The following ANKK1 variants were observed in gnomAD, a reference collection of about 807,000 sequenced individuals.
The protein encoded by ANKK1 is ankyrin repeat and protein kinase domain-containing protein 1.
In ANKK1, 37 loss-of-function variants were observed where a neutral mutation model predicts 37.6. The ratio of observed to expected loss-of-function variants is 0.98; its 90% CI spans 0.76 to 1.29. ANKK1 has a LOEUF of 1.29. Ranked by LOEUF, ANKK1 falls within the 50% of genes most tolerant of loss-of-function variation. ANKK1 has a pLI of 0.00. For synonymous variants in ANKK1, 415 were observed against 418.7 expected, an observed-to-expected ratio of 0.99 and a Z score of 0.11; for missense variants, 1,019 against 990.6, an observed-to-expected ratio of 1.03 and a Z score of -0.39.
intron 2 of ANKK1, among the ~76,000 whole-genome samples, chr11:113,394,098 G>A (rs1052087344): frequency 1.3e-5 from 2 of 152,114 alleles, no homozygotes; most frequent in African/African-American, 4.8e-5. Flanking sequence ...AAGAAAGGTT[G>A]TAATGGACAT....
At chr11:113,390,580 C>A (rs1950579481) in intron 1 of ANKK1, among the ~76,000 whole-genome samples, 1 of 152,086 alleles carries the variant, frequency 6.6e-6, no homozygotes, top group African/African-American at 2.4e-5. Flanking sequence ...ACTAAAAATA[C>A]ATAAATTAGC....
chr11:113,388,997 A>G (rs1163759838), intron 1 of ANKK1, among the ~76,000 whole-genome samples: 2 of 152,212 alleles, frequency 1.3e-5, no homozygotes, highest in East Asian at 1.9e-4. Flanking sequence ...TTACCATGCA[A>G]ACTCTTAAGA....
At chr11:113,388,746 C>A (rs2138118447) in intron 1 of ANKK1, among the ~76,000 whole-genome samples, 1 of 152,354 alleles carries the variant, frequency 6.6e-6, no homozygotes, top group African/African-American at 2.4e-5. Context: ...CTACCTCTTT[C>A]CTACGTTTCC....
intron 1 of ANKK1, among the ~76,000 whole-genome samples, 171 bp from the exon 2 acceptor site, chr11:113,393,310 G>A (rs1043753306): frequency 3.9e-5 from 6 of 152,030 alleles, no homozygotes; most frequent in Non-Finnish European, 5.9e-5. Context: ...AAATCTAAGC[G>A]GCCTGCTAAG....
chr11:113,397,924 A>G (rs970935278), intron 6 of ANKK1, 56 bp from the exon 7 acceptor site: 9 of 1,538,380 alleles, frequency 5.9e-6, no homozygotes, highest in Non-Finnish European at 7.9e-6. Context: ...GGAGGAGGGC[A>G]CAGGCTAGAA....
intron 5 of ANKK1, among the ~76,000 whole-genome samples, chr11:113,396,480 C>A (rs1279650550): frequency 1.3e-5 from 2 of 151,846 alleles, no homozygotes; most frequent in Non-Finnish European, 2.9e-5. Context: ...GCCAGAACAA[C>A]AAGCACACCA....
chr11:113,388,739 C>A (rs1042910539), intron 1 of ANKK1, among the ~76,000 whole-genome samples: 2 of 152,342 alleles, frequency 1.3e-5, no homozygotes, highest in African/African-American at 4.8e-5. Context: ...TCTCTTCCTA[C>A]CTCTTTCCTA....
At position 113,388,052 on chromosome 11, in the gene ANKK1, T is replaced by C. The variant is rs1950559455; in HGVS notation, c.168T>C (p.Leu56=). The C allele has an allele frequency of 2.6e-6, 4 of 1,514,978 alleles. No homozygotes were observed. In the South Asian group the frequency reaches 4.9e-5, roughly 18 times the overall value. 93.8% of individuals were successfully genotyped at this position (1,514,978 alleles called of 1,614,324 possible). Residue 56 remains leucine, a synonymous_variant, in exon 1 of 8, where the codon CTT becomes CTC. Transcript: ENST00000303941. ...TEYAIKCAPC[L]PPDAASSDVN... is the part of the protein sequence containing the mutation. The stretch of plus-strand genomic sequence containing the variant: ...ACGCCATCAAGTGCGCCCCCTGCCT[T>C]CCACCCGACGCCGCCAGGTACTGCC...
At chr11:113,394,634 G>T in intron 2 of ANKK1, 1 of 542,004 alleles carries the variant, frequency 1.8e-6, no homozygotes, top group Non-Finnish European at 3.5e-6. Context: ...CTAACTACAT[G>T]CCAGGCACTG....
At position 113,399,005 on chromosome 11, in the gene ANKK1, C is replaced by T. The variant is rs201257762; in HGVS notation, c.1036C>T (p.Arg346Cys). ...YLKRALQLSD[R>C]KNLVPRDEEL... ...GAAGCGGGCCCTTCAGCTCTCCGACCGTAAGAATTTGGTCCCGAGAGATGA... is the reference window on the plus strand; with the variant it reads ...GAAGCGGGCCCTTCAGCTCTCCGACTGTAAGAATTTGGTCCCGAGAGATGA... The change falls in exon 8 of 8, where the codon CGT becomes TGT. Residue 346 changes from arginine (R) to cysteine (C), a missense_variant. By Grantham distance (180) the Arg-to-Cys change is radical. Transcript: ENST00000303941. 21 of 1,596,690 alleles carry T rather than the reference C, an allele frequency of 1.3e-5. No homozygotes were observed. The highest frequency in any genetic ancestry group is 6.9e-5 in the Admixed American group (4 of 57,938).
intron 2 of ANKK1, 102 bp downstream of exon 2, chr11:113,393,877 A>G: frequency 7.5e-7 from 1 of 1,334,028 alleles, no homozygotes; most frequent in Non-Finnish European, 1.0e-6. Flanking sequence ...GGTTTTAAGC[A>G]GTTCCCTTCA....
At chr11:113,396,283 G>A (rs1395816078) in intron 5 of ANKK1, 61 bp downstream of exon 5, 1 of 1,591,200 alleles carries the variant, frequency 6.3e-7, no homozygotes. Context: ...GAGGGGAGAT[G>A]ACTGGGCACT....
Position 113,399,987 on chromosome 11 carries a change from T to C in ANKK1, c.2018T>C (p.Leu673Pro). 6.2e-7 allele frequency: 1 copy of C among 1,613,552 alleles called. No individual in the cohort carries two copies. The highest frequency in any genetic ancestry group is 8.5e-7 in the Non-Finnish European group (1 of 1,179,840). Residue 673 changes from leucine to proline, a missense_variant, in exon 8 of 8, where the codon CTG becomes CCG. Transcript: ENST00000303941. ...CTGGCGGTCCAGAGGAGCACCTTCC[T>C]GAGTGTCATCAACCTCCTAGAACAT... is the stretch of plus-strand genomic sequence containing the variant. ...LHLAVQRSTF[L>P]SVINLLEHHA...
intron 2 of ANKK1, among the ~76,000 whole-genome samples, 189 bp downstream of exon 2, chr11:113,393,964 A>G (rs918111912): frequency 6.6e-6 from 1 of 152,224 alleles, no homozygotes; most frequent in Non-Finnish European, 1.5e-5. Flanking sequence ...AAGGCTGGGT[A>G]TCAGGATGCC....
rs59592568 is a variant in ANKK1, at chr11:113,396,359, T to C, written c.838+137T>C. 0.016 allele frequency: 13,310 copies of C among 813,920 alleles called. 1,004 individuals carry two copies. The African/African-American group carries it at 0.2, about 12-fold the overall frequency. The allele number at this position is 813,920 out of a possible 1,614,324, so 50.4% of individuals were successfully genotyped here. On this transcript the variant is annotated intron_variant, in intron 5 of 7. Transcript: ENST00000303941. ...TAGAAGGACTTTTTTTTTTTTTTTT[T>C]CAGAGACACGGTCTCTCTGGTCCAG...
chr11:113,396,458 G>A (rs1400452788), intron 5 of ANKK1, among the ~76,000 whole-genome samples: 1 of 151,352 alleles, frequency 6.6e-6, no homozygotes, highest in Non-Finnish European at 1.5e-5. Flanking sequence ...TCCCGCCTCA[G>A]CCTCCTGAGT....
rs779083285 is a variant in ANKK1, at chr11:113,399,817, C to T, written c.1848C>T (p.His616=). The stretch of plus-strand genomic sequence containing the variant: ...TCATCCATCTGCTGGCAGAGAGCCA[C>T]GCAAACATGGGTGCTCTTGGAGCTG... ...LEIIHLLAES[H]ANMGALGAVN... Residue 616 remains histidine, a synonymous_variant, in exon 8 of 8, where the codon CAC becomes CAT. Coordinates refer to ENST00000303941, the MANE Select transcript of ANKK1 (RefSeq NM_178510.2). The T allele has an allele frequency of 2.6e-5, 42 of 1,606,136 alleles. No homozygotes were observed. Among genetic ancestry groups the T allele is most frequent in the Middle Eastern group, 1.6e-4 (1 of 6,078 alleles).
intron 2 of ANKK1, 63 bp from the exon 3 acceptor site, chr11:113,394,866 C>T (rs1950623653): frequency 4.4e-6 from 7 of 1,591,756 alleles, no homozygotes; most frequent in Non-Finnish European, 6.0e-6. Context: ...GGTGAGAAGC[C>T]ATAGCCGTTT....
Position 113,398,009 on chromosome 11 carries a change from G to A in ANKK1, c.987G>A (p.Met329Ile), listed in dbSNP as rs1420742154. The change falls in exon 7 of 8, where the codon ATG becomes ATA. Residue 329 changes from methionine to isoleucine, a missense_variant. By Grantham distance (10) the Met-to-Ile change is conservative. Coordinates refer to ENST00000303941, the MANE Select transcript of ANKK1 (RefSeq NM_178510.2). ...EVNEDISQEL[M>I]DSDSGNYLKR... ...ATGAGGACATCAGCCAGGAACTGAT[G>A]GACAGTGGTGAGTCTGGGTGCCACG... The A allele has an allele frequency of 8.3e-6, 13 of 1,565,148 alleles. No individual in the cohort carries two copies. The highest frequency in any genetic ancestry group is 1.0e-5 in the Non-Finnish European group (12 of 1,154,492).
Sources: allele counts gnomAD v4.1 joint callset (sites outside exome capture counted in the v4.1 genomes callset), GRCh38; gene constraint gnomAD v4.1.1; transcripts MANE v1.5; gene names NCBI Gene and HGNC (gene_info 2026-07-23, HGNC 2026-07-21).